Variants in USP11 observed in about 807,000 individuals in gnomAD.
USP11 encodes the protein ubiquitin specific peptidase 11, also known as ubiquitin carboxyl-terminal hydrolase 11.
Under a neutral mutation model 72.8 loss-of-function variants are expected in USP11, and 5 were observed. The observed-to-expected ratio is 0.07, with a 90% CI of 0.04 to 0.14. The LOEUF is 0.14. Ranked by LOEUF, USP11 falls within the 10% of genes least tolerant of loss-of-function variation. The pLI is 1.00. For missense variants in USP11, 480 were observed against 794.7 expected (o/e 0.60, Z 4.76); for synonymous variants, 368 against 326.5 (o/e 1.13, Z -1.37).
At chrX:47,246,469 AAG>A (rs1286213806) in intron 17 of USP11, among the ~76,000 whole-genome samples, 6 of 112,374 alleles carry the variant, frequency 5.3e-5, no homozygotes, top group African/African-American at 1.6e-4. Flanking sequence ...CTAAAATACG[AAG>A]AGAGGAAACT....
In USP11 at chrX:47,245,044, G is replaced by A. The variant is rs762606017; in HGVS notation, c.2115G>A (p.Glu705=). 3 of 1,210,377 alleles carry A rather than the reference G, an allele frequency of 2.5e-6. No individual in the cohort carries two copies. The African/African-American group carries it at 5.2e-5, about 21-fold the overall frequency. The part of the protein sequence containing the change: ...HAQPYIAIDW[E]PEMKKRYYDE... The stretch of plus-strand genomic sequence containing the variant: ...AGCCGTACATTGCTATCGACTGGGA[G>A]CCAGAGATGAAGAAGCGTTACTATG... The change falls in exon 16 of 21, where the codon GAG becomes GAA. Residue 705 remains glutamate, a synonymous_variant. Coordinates refer to ENST00000377107, the MANE Select transcript of USP11 (RefSeq NM_001371072.1).
chrX:47,233,334 G>A (rs1400186371), intron 1 of USP11, 115 bp downstream of exon 1: 2 of 1,069,481 alleles, frequency 1.9e-6, no homozygotes, highest in African/African-American at 1.9e-5. Context: ...CGGGGGCGGG[G>A]GAGTGGCCGG....
chrX:47,237,923 A>C (rs920875634), intron 1 of USP11, among the ~76,000 whole-genome samples: 1 of 110,226 alleles, frequency 9.1e-6, no homozygotes, highest in Non-Finnish European at 1.9e-5. Context: ...TTTAGCACTT[A>C]TTATATGTCA....
Position 47,241,489 on chromosome X carries a change from T to C in USP11, c.1020+39T>C, listed in dbSNP as rs761907932. The C allele has an allele frequency of 2.6e-5, 31 of 1,187,892 alleles. No homozygotes were observed. In the Admixed American group the frequency reaches 6.8e-4, roughly 26 times the overall value. ...CTGGGCACCCCCGACCCCCTACGTC[T>C]CTTGGCTCTCCTAACTCCCTCTCTC... On this transcript the variant is annotated intron_variant, in intron 8 of 20. Coordinates refer to ENST00000377107, the MANE Select transcript of USP11 (RefSeq NM_001371072.1).
Position 47,243,444 on chromosome X carries a change from C to T in USP11, c.1632C>T (p.Asp544=). The T allele has an allele frequency of 2.5e-6, 3 of 1,211,308 alleles. No homozygotes were observed. The highest frequency in any genetic ancestry group is 3.0e-5 in the East Asian group (1 of 33,793). Residue 544 remains aspartate, a synonymous_variant, in exon 13 of 21, where the codon GAC becomes GAT. Coordinates refer to ENST00000377107, the MANE Select transcript of USP11 (RefSeq NM_001371072.1). ...RIEAIEGSRE[D]IVVPVYLRER... ...AGGCCATTGAGGGCTCAAGAGAGGA[C>T]ATCGTGGTTCCTGTCTACCTGCGGG...
chrX:47,233,581 C>T (rs962725263), intron 1 of USP11: 3 of 814,988 alleles, frequency 3.7e-6, no homozygotes, highest in South Asian at 1.1e-4. Flanking sequence ...CTGCGTAATG[C>T]AACTTTTGGG....
At chrX:47,243,699 AAGAC>A in intron 13 of USP11, 97 bp downstream of exon 13, 1 of 852,821 alleles carries the variant, frequency 1.2e-6, no homozygotes, top group Non-Finnish European at 1.7e-6. Context: ...TAACAAACAA[AAGAC>A]AGTCCAAACT....
intron 12 of USP11, among the ~76,000 whole-genome samples, 179 bp from the exon 13 acceptor site, chrX:47,243,217 C>G (rs963797518): frequency 1.8e-5 from 2 of 112,367 alleles, no homozygotes; most frequent in East Asian, 5.6e-4. Context: ...GAGCCGAGAT[C>G]GTGCCACTGC....
In USP11 at chrX:47,244,836, A is replaced by G. The variant is rs776880107; in HGVS notation, c.1998A>G (p.Pro666=). The G allele has an allele frequency of 8.3e-7, 1 of 1,211,252 alleles. No homozygotes were observed. The highest frequency in any genetic ancestry group is 1.1e-6 in the Non-Finnish European group (1 of 895,371). Residue 666 remains proline (P), a synonymous_variant, in exon 15 of 21, where the codon CCA becomes CCG. Coordinates refer to ENST00000377107, the MANE Select transcript of USP11 (RefSeq NM_001371072.1). ...DNCLGTSQWP[P]RRRRKQLFTL... Reference sequence around the variant, plus strand: ...GCCTTGGCACATCTCAGTGGCCCCCAAGGCGACGACGCAAGCAGCTGTTCA... The same window carrying G: ...GCCTTGGCACATCTCAGTGGCCCCCGAGGCGACGACGCAAGCAGCTGTTCA...
At position 47,243,531 on chromosome X, in the gene USP11, C is replaced by A; in HGVS notation, c.1719C>A (p.Pro573=). ...SYYGLMLFGH[P]LLVSVPRDRF... is the part of the protein sequence containing the mutation. ...ACGGCCTGATGCTTTTTGGACACCCCCTCCTGGTATCAGTGCCCCGGGACC... is the reference window on the plus strand; with the variant it reads ...ACGGCCTGATGCTTTTTGGACACCCACTCCTGGTATCAGTGCCCCGGGACC... Residue 573 remains proline (P), a synonymous_variant, in exon 13 of 21, where the codon CCC becomes CCA. Transcript: ENST00000377107. 8.3e-7 allele frequency: 1 copy of A among 1,211,932 alleles called. No homozygotes were observed. Among genetic ancestry groups the A allele is most frequent in the Non-Finnish European group, 1.1e-6 (1 of 895,572 alleles).
intron 1 of USP11, among the ~76,000 whole-genome samples, chrX:47,237,786 A>ATGTGTGTGTG (rs763902030): frequency 2.6e-5 from 1 of 38,349 alleles, no homozygotes; most frequent in African/African-American, 5.2e-5. Context: ...GTGTGTGTGT[A>ATGTGTGTGTG]TGTGTGTGTG....
chrX:47,243,264 AAAATAAAT>A, intron 12 of USP11, 124 bp from the exon 13 acceptor site: 5 of 657,907 alleles, frequency 7.6e-6, no homozygotes, highest in South Asian at 3.5e-5. Flanking sequence ...CTCCGTCTCA[AAAATAAAT>A]AAATAAATAA....
chrX:47,247,852 C>T lies in USP11; in HGVS notation c.2685C>T (p.Ser895=). The change falls in exon 21 of 21, where the codon TCC becomes TCT. Residue 895 remains serine (S), a synonymous_variant. Coordinates refer to ENST00000377107, the MANE Select transcript of USP11 (RefSeq NM_001371072.1). The part of the protein sequence containing the change: ...QRQDVARRLL[S]PAGSSGAPAS... The stretch of plus-strand genomic sequence containing the variant: ...AGGACGTGGCGCGACGCCTGCTGTC[C>T]CCGGCCGGCTCATCTGGCGCCCCAG... The T allele has an allele frequency of 8.3e-7, 1 of 1,208,791 alleles. No homozygotes were observed. Among genetic ancestry groups the T allele is most frequent in the South Asian group, 1.8e-5 (1 of 56,658 alleles).
At chrX:47,239,612 C>T in intron 3 of USP11, 131 bp downstream of exon 3, 3 of 1,036,611 alleles carry the variant, frequency 2.9e-6, no homozygotes. Context: ...CCTAGCTCAT[C>T]ATACAGGTAT....
At chrX:47,236,976 A>T (rs769795855) in intron 1 of USP11, among the ~76,000 whole-genome samples, 2 of 111,844 alleles carry the variant, frequency 1.8e-5, no homozygotes, top group Non-Finnish European at 3.8e-5. Context: ...CTTTGACTTG[A>T]AGCAATATGG....
At chrX:47,241,146 C>G in intron 7 of USP11, 131 bp from the exon 8 acceptor site, 8 of 678,358 alleles carry the variant, frequency 1.2e-5, no homozygotes, top group South Asian at 3.0e-5. Flanking sequence ...TACTCTCCTG[C>G]TCCTCTCTCT....
intron 9 of USP11, 45 bp downstream of exon 9, chrX:47,241,744 C>T (rs1295056910): frequency 7.0e-6 from 8 of 1,140,759 alleles, no homozygotes; most frequent in Admixed American, 5.6e-5. Context: ...TCACCAAGGC[C>T]TCTGCCTCGG....
Position 47,241,342 on chromosome X carries a change from C to T in USP11, c.912C>T (p.Asn304=), listed in dbSNP as rs771597922. The T allele has an allele frequency of 1.7e-6, 2 of 1,211,896 alleles. No individual in the cohort carries two copies. Among genetic ancestry groups the T allele is most frequent in the Non-Finnish European group, 2.2e-6 (2 of 895,525 alleles). Reference sequence around the variant, plus strand: ...ACAACTGCTACCTGGAGGAGCTCAACTTCCGCAACCCACTGGGCATGAAGG... The same window carrying T: ...ACAACTGCTACCTGGAGGAGCTCAATTTCCGCAACCCACTGGGCATGAAGG... ...FLNNCYLEEL[N]FRNPLGMKGE... Residue 304 remains asparagine (N), a synonymous_variant, in exon 8 of 21, where the codon AAC becomes AAT. Transcript: ENST00000377107.
intron 1 of USP11, among the ~76,000 whole-genome samples, chrX:47,234,426 A>G (rs1219002422): frequency 8.9e-6 from 1 of 112,098 alleles, no homozygotes; most frequent in Non-Finnish European, 1.9e-5. Context: ...CGTCGGTGAA[A>G]TTTTATTAAA....
Sources: gnomAD v4.1 joint callset for allele counts (sites outside exome capture counted in the v4.1 genomes callset) on GRCh38, gnomAD v4.1.1 for gene constraint, MANE v1.5 for transcripts, NCBI Gene and HGNC (gene_info 2026-07-23, HGNC 2026-07-21) for gene names.